Variants in GAB2 observed in about 807,000 individuals in gnomAD.
GAB2 encodes GRB2-associated-binding protein 2.
In GAB2, 26 loss-of-function variants were observed where a neutral mutation model predicts 65.5. That is an observed-to-expected ratio of 0.40 (90% CI 0.29 to 0.55). The LOEUF (loss-of-function observed/expected upper bound fraction) is 0.55. Among genes scored for constraint, GAB2 ranks in the 20% least tolerant of loss-of-function variants. The pLI is 0.53. For synonymous variants in GAB2, 321 were observed against 329.6 expected (o/e 0.97, Z 0.28); for missense variants, 884 against 875.8 (o/e 1.01, Z -0.12).
chr11:78,253,961 GC>G (rs543731162), intron 2 of GAB2, among the ~76,000 whole-genome samples: 347 of 152,174 alleles, frequency 2.3e-3, no homozygotes, highest in African/African-American at 8.0e-3. Context: ...CATCCTTCAT[GC>G]CCCCTATGTT....
chr11:78,243,584 T>A (rs1443998570), intron 3 of GAB2, among the ~76,000 whole-genome samples: 1 of 152,200 alleles, frequency 6.6e-6, no homozygotes, highest in Non-Finnish European at 1.5e-5. Flanking sequence ...CTCATGCCTG[T>A]AATCCCAGCA....
In GAB2 at chr11:78,346,718, TATA is replaced by T. The variant is rs1238864626; in HGVS notation, c.76-65820_76-65818del. On this transcript the variant is annotated intron_variant, in intron 1 of 9. Coordinates refer to ENST00000361507, the MANE Select transcript of GAB2 (RefSeq NM_080491.3). The stretch of plus-strand genomic sequence containing the variant: ...ATATATATATATATATATATATATA[TATA>T]ATTTTTTTTTTTTTTAGGAAAAGAA... Among the ~76,000 whole-genome samples, 208 of 75,016 alleles carry T rather than the reference TATA, an allele frequency of 2.8e-3. 9 individuals are homozygous for T. The highest frequency in any genetic ancestry group is 0.016 in the East Asian group (35 of 2,124). 49.2% of individuals were successfully genotyped at this position (75,016 alleles called of 152,430 possible).
At chr11:78,340,279 G>A (rs1162171796) in intron 1 of GAB2, among the ~76,000 whole-genome samples, 1 of 152,178 alleles carries the variant, frequency 6.6e-6, no homozygotes, top group Non-Finnish European at 1.5e-5. Context: ...AAAGAGGAGT[G>A]AGTAGCCCCT....
intron 1 of GAB2, among the ~76,000 whole-genome samples, chr11:78,282,187 G>A (rs929996352): frequency 6.6e-6 from 1 of 152,076 alleles, no homozygotes; most frequent in Non-Finnish European, 1.5e-5. Flanking sequence ...ATTCTCTCAA[G>A]TTGTCTTCCA....
chr11:78,221,509 G>A (rs577212583), intron 8 of GAB2, among the ~76,000 whole-genome samples, 168 bp downstream of exon 8: 2 of 152,214 alleles, frequency 1.3e-5, no homozygotes, highest in East Asian at 3.9e-4. Context: ...AACTCCTACT[G>A]CTTGATAAAC....
At chr11:78,235,494 G>A (rs187361464) in intron 3 of GAB2, among the ~76,000 whole-genome samples, 31 of 152,214 alleles carry the variant, frequency 2.0e-4, no homozygotes, top group Admixed American at 1.5e-3. Context: ...CAAATTTTCC[G>A]AACATTTATG....
intron 2 of GAB2, among the ~76,000 whole-genome samples, chr11:78,273,285 C>T (rs772381253): frequency 3.9e-5 from 6 of 152,234 alleles, no homozygotes; most frequent in Non-Finnish European, 7.3e-5. Flanking sequence ...ACATTCAATG[C>T]TAGCCCATGA....
chr11:78,383,751 G>A (rs564613384), intron 1 of GAB2, among the ~76,000 whole-genome samples: 2 of 151,970 alleles, frequency 1.3e-5, no homozygotes, highest in Admixed American at 6.6e-5. Flanking sequence ...GAGCCAGACC[G>A]TGTCTCAATT....
intron 1 of GAB2, chr11:78,341,871 T>C (rs1856102478): frequency 1.0e-6 from 1 of 986,202 alleles, no homozygotes; most frequent in Non-Finnish European, 1.2e-6. Context: ...CCACCACTTC[T>C]CAAAATTTCT....
intron 1 of GAB2, among the ~76,000 whole-genome samples, chr11:78,413,371 G>A (rs1430222703): frequency 6.6e-6 from 1 of 152,172 alleles, no homozygotes; most frequent in Non-Finnish European, 1.5e-5. Flanking sequence ...AGCCAGAAAA[G>A]GAGAAATAAC....
intron 1 of GAB2, among the ~76,000 whole-genome samples, chr11:78,338,267 T>C (rs1336778074): frequency 6.6e-6 from 1 of 152,208 alleles, no homozygotes; most frequent in Non-Finnish European, 1.5e-5. Context: ...AAACAGAATG[T>C]TTACTTTCCT....
At chr11:78,224,959 C>T (rs1417138616) in intron 5 of GAB2, 149 bp downstream of exon 5, 10 of 605,464 alleles carry the variant, frequency 1.7e-5, no homozygotes, top group Admixed American at 6.1e-5. Context: ...AAAGACTCAA[C>T]GCAGGGTTCT....
chr11:78,251,051 G>T (rs1865441026), intron 2 of GAB2, among the ~76,000 whole-genome samples: 1 of 151,456 alleles, frequency 6.6e-6, no homozygotes, highest in African/African-American at 2.4e-5. Flanking sequence ...CTCAGCATTA[G>T]ACAATATACC....
chr11:78,262,374 T>C (rs1282901870), intron 2 of GAB2, among the ~76,000 whole-genome samples: 3 of 152,300 alleles, frequency 2.0e-5, no homozygotes, highest in African/African-American at 7.2e-5. Flanking sequence ...AGAAATGACA[T>C]AGTCCCTGCA....
chr11:78,366,585 CAAAAAAAAAA>C (rs33997665), intron 1 of GAB2, among the ~76,000 whole-genome samples: 1 of 32,950 alleles, frequency 3.0e-5, no homozygotes, highest in Non-Finnish European at 4.8e-5. Context: ...GACTCCATCT[CAAAAAAAAAA>C]AAAAAAAAAA....
At chr11:78,371,950 A>T (rs981361354) in intron 1 of GAB2, among the ~76,000 whole-genome samples, 6 of 152,226 alleles carry the variant, frequency 3.9e-5, no homozygotes, top group African/African-American at 1.4e-4. Context: ...TCCCATAAAC[A>T]TAAAATCAAA....
intron 1 of GAB2, among the ~76,000 whole-genome samples, chr11:78,327,885 A>ACT (rs1855851295): frequency 6.6e-6 from 1 of 152,182 alleles, no homozygotes; most frequent in Admixed American, 6.5e-5. Context: ...GATTGAATTG[A>ACT]AGAAGTGGAT....
chr11:78,223,282 T>G, intron 6 of GAB2, 130 bp downstream of exon 6: 2 of 694,410 alleles, frequency 2.9e-6, no homozygotes, highest in Non-Finnish European at 4.5e-6. Flanking sequence ...ATAAGAAAAC[T>G]GAGACTCAGA....
chr11:78,405,998 T>C (rs114021697), intron 1 of GAB2, among the ~76,000 whole-genome samples: 103 of 152,280 alleles, frequency 6.8e-4, no homozygotes, highest in African/African-American at 2.4e-3. Context: ...CAGCAAAAAC[T>C]GACTGACAAC....
Sources: allele counts gnomAD v4.1 joint callset (sites outside exome capture counted in the v4.1 genomes callset), GRCh38; gene constraint gnomAD v4.1.1; transcripts MANE v1.5; gene names NCBI Gene and HGNC (gene_info 2026-07-23, HGNC 2026-07-21).